Variants in UBA3 observed in about 807,000 individuals in gnomAD.
UBA3 encodes NEDD8-activating enzyme E1 catalytic subunit.
In UBA3, 26 loss-of-function variants were observed where a neutral mutation model predicts 73.5. The observed-to-expected ratio is 0.35, with a 90% CI of 0.26 to 0.49. The LOEUF (loss-of-function observed/expected upper bound fraction) is 0.49, where lower values mean the gene tolerates loss of function less well. Among genes scored for constraint, UBA3 ranks in the 20% least tolerant of loss-of-function variants. The pLI, the probability that UBA3 is intolerant of heterozygous loss-of-function variation, is 0.98. For missense variants in UBA3, 495 were observed against 555.6 expected (o/e 0.89, Z 1.10); for synonymous variants, 217 against 191.2 (o/e 1.13, Z -1.11).
chr3:69,079,922 G>C (rs1362594307), intron 2 of UBA3, 190 bp downstream of exon 2: 4 of 555,920 alleles, frequency 7.2e-6, no homozygotes, highest in African/African-American at 2.0e-5. Flanking sequence ...GCCCGCACCG[G>C]GCAGATACCG....
chr3:69,061,532 T>A (rs1015155390), intron 11 of UBA3: 6 of 261,274 alleles, frequency 2.3e-5, no homozygotes, highest in African/African-American at 1.3e-4. Flanking sequence ...AATATTTGTC[T>A]AACAGTCCTG....
intron 2 of UBA3, 152 bp downstream of exon 2, chr3:69,079,960 G>A (rs2092204082): frequency 3.1e-6 from 2 of 655,702 alleles, no homozygotes; most frequent in South Asian, 4.2e-5. Flanking sequence ...CCCCGGGGCT[G>A]CGGGGCGGGG....
At chr3:69,077,998 T>C (rs1159474981) in intron 2 of UBA3, 80 bp from the exon 3 acceptor site, 7 of 1,525,936 alleles carry the variant, frequency 4.6e-6, no homozygotes, top group Non-Finnish European at 6.2e-6. Context: ...TATCCCCAAA[T>C]GAAAAGGTAA....
At chr3:69,078,243 T>A (rs935481498) in intron 2 of UBA3, among the ~76,000 whole-genome samples, 6 of 152,214 alleles carry the variant, frequency 3.9e-5, no homozygotes, top group African/African-American at 1.4e-4. Flanking sequence ...TCTCTACATT[T>A]GGTATTTACA....
At position 69,080,131 on chromosome 3, in the gene UBA3, C is replaced by T; in HGVS notation, c.43G>A (p.Glu15Lys). 1 of 1,609,648 alleles carries T rather than the reference C, an allele frequency of 6.2e-7. No homozygotes were observed. Among genetic ancestry groups the T allele is most frequent in the Non-Finnish European group, 8.5e-7 (1 of 1,178,904 alleles). The change falls in exon 2 of 18, where the codon GAG becomes AAG. Residue 15 changes from glutamate (E) to lysine (K), a missense_variant. By Grantham distance (56) the Glu-to-Lys change is moderately conservative. Transcript: ENST00000361055. Reference protein sequence around the residue: ...EEPEKKRRRIEELLAEKMAVD... With the variant: ...EEPEKKRRRIKELLAEKMAVD... Reference sequence around the variant, plus strand: ...ACTAACTTCTCAGCCAGCAGCTCCTCTATTCTCCTTCTTTTCTTCTCCCTA... The same window carrying T: ...ACTAACTTCTCAGCCAGCAGCTCCTTTATTCTCCTTCTTTTCTTCTCCCTA...
chr3:69,069,737 A>G (rs1248601132), intron 5 of UBA3, among the ~76,000 whole-genome samples: 1 of 152,230 alleles, frequency 6.6e-6, no homozygotes, highest in African/African-American at 2.4e-5. Flanking sequence ...GTTATAAATC[A>G]AAGAACTTAA....
rs768434305 is a variant in UBA3, at chr3:69,056,209, C to T, written c.1158G>A (p.Leu386=). 6.3e-7 allele frequency: 1 copy of T among 1,597,130 alleles called. No homozygotes were observed. Among genetic ancestry groups the T allele is most frequent in the Admixed American group, 1.8e-5 (1 of 55,336 alleles). Residue 386 remains leucine, a synonymous_variant, in exon 15 of 18, where the codon TTG becomes TTA. Transcript: ENST00000361055. ...FSPSAKLQEV[L]DYLTNSASLQ... ...GAGAAGCACTATTGGTTAGATAATCCAAAACCTCCTGTAGTTTAGCTGATG... is the reference window on the plus strand; with the variant it reads ...GAGAAGCACTATTGGTTAGATAATCTAAAACCTCCTGTAGTTTAGCTGATG...
At chr3:69,071,327 T>A (rs1268381859) in intron 5 of UBA3, 4 of 429,566 alleles carry the variant, frequency 9.3e-6, no homozygotes, top group African/African-American at 8.4e-5. Context: ...AACAAAAACA[T>A]GTATTTGTTT....
intron 2 of UBA3, 157 bp downstream of exon 2, chr3:69,079,955 G>C (rs1004395829): frequency 1.3e-4 from 82 of 635,164 alleles, no homozygotes; most frequent in Middle Eastern, 4.4e-4. Flanking sequence ...CAGGCCCCCG[G>C]GGCTGCGGGG....
At chr3:69,073,826 GTA>G (rs2092142562) in intron 4 of UBA3, among the ~76,000 whole-genome samples, 1 of 143,974 alleles carries the variant, frequency 6.9e-6, no homozygotes, top group African/African-American at 2.5e-5. Context: ...GTATTTTTTA[GTA>G]GAGACGGGGT....
chr3:69,063,256 A>T, intron 8 of UBA3, 119 bp from the exon 9 acceptor site: 1 of 1,350,948 alleles, frequency 7.4e-7, no homozygotes, highest in Non-Finnish European at 1.0e-6. Context: ...TATCAAATCA[A>T]GGGATTATAA....
intron 11 of UBA3, chr3:69,061,548 A>T (rs1301179532): frequency 2.0e-5 from 6 of 304,044 alleles, no homozygotes; most frequent in Non-Finnish European, 2.4e-5. Context: ...TCCTGTCCAA[A>T]TGTGAAATAG....
intron 4 of UBA3, among the ~76,000 whole-genome samples, chr3:69,073,756 C>T (rs2092141669): frequency 6.6e-6 from 1 of 152,022 alleles, no homozygotes; most frequent in Admixed American, 6.6e-5. Context: ...TCGCCTCAGC[C>T]TCCCGAGTAG....
chr3:69,072,380 T>G (rs1448578471), intron 4 of UBA3, among the ~76,000 whole-genome samples: 2 of 152,216 alleles, frequency 1.3e-5, no homozygotes, highest in Admixed American at 6.5e-5. Context: ...CTTCAAGACT[T>G]ATCCATATTT....
At chr3:69,071,496 A>G (rs765465513) in intron 5 of UBA3, 39 bp downstream of exon 5, 1 of 1,099,838 alleles carries the variant, frequency 9.1e-7, no homozygotes, top group South Asian at 1.5e-5. Context: ...TGATTATCAG[A>G]GCTTAAAAAA....
intron 5 of UBA3, among the ~76,000 whole-genome samples, chr3:69,068,730 T>C (rs1365030639): frequency 1.3e-5 from 2 of 152,116 alleles, no homozygotes; most frequent in African/African-American, 2.4e-5. Context: ...TACAGGTGCC[T>C]GCCACCACAA....
chr3:69,062,055 A>T, intron 10 of UBA3, 22 bp downstream of exon 10: 1 of 1,514,474 alleles, frequency 6.6e-7, no homozygotes, highest in South Asian at 1.2e-5. Flanking sequence ...GTAATTCTAG[A>T]TTATTAAATT....
In UBA3 at chr3:69,071,583, T is replaced by C; in HGVS notation, c.299A>G (p.Asp100Gly). The stretch of plus-strand genomic sequence containing the variant: ...ATTGGAAACATCTATAGTGTCCATA[T>C]CTATAACATGAATCTGTCTAAAACC... ...LSGFRQIHVIDMDTIDVSNLN... is the reference protein window; with the variant it reads ...LSGFRQIHVIGMDTIDVSNLN... Residue 100 changes from aspartate to glycine, a missense_variant, in exon 5 of 18, where the codon GAT becomes GGT. Coordinates refer to ENST00000361055, the MANE Select transcript of UBA3 (RefSeq NM_003968.4). The C allele has an allele frequency of 6.4e-7, 1 of 1,565,532 alleles. No individual in the cohort carries two copies. Among genetic ancestry groups the C allele is most frequent in the East Asian group, 2.3e-5 (1 of 42,708 alleles).
chr3:69,072,443 A>G (rs2092128029), intron 4 of UBA3, among the ~76,000 whole-genome samples: 1 of 152,226 alleles, frequency 6.6e-6, no homozygotes, highest in Non-Finnish European at 1.5e-5. Flanking sequence ...GTACTTGTCA[A>G]GTTCACCAAT....
Sources: gnomAD v4.1 joint callset for allele counts (sites outside exome capture counted in the v4.1 genomes callset) on GRCh38, gnomAD v4.1.1 for gene constraint, MANE v1.5 for transcripts, NCBI Gene and HGNC (gene_info 2026-07-23, HGNC 2026-07-21) for gene names.